ITPR3: variants seen among roughly 807,000 people sequenced by gnomAD.
The protein encoded by ITPR3 is inositol 1,4,5-trisphosphate-gated calcium channel ITPR3.
In ITPR3, 173 loss-of-function variants were observed where a neutral mutation model predicts 293.2. The observed-to-expected ratio is 0.59, with a 90% CI of 0.52 to 0.67. ITPR3 has a LOEUF of 0.67. Ranked by LOEUF, ITPR3 falls within the 30% of genes least tolerant of loss-of-function variation. ITPR3 has a pLI of 0.00. For synonymous variants in ITPR3, 1,295 were observed against 1,444.4 expected (o/e 0.90, Z 2.35); for missense variants, 2,796 against 3,592.1 (o/e 0.78, Z 5.66).
rs570679155 is a variant in ITPR3 at position 33,685,835 on chromosome 6, C to T, written c.5667+8C>T. The stretch of plus-strand genomic sequence containing the variant: ...CACAACCGGGACCTGCAGGTGAGTG[C>T]CTCGCCACACACCTGCCCCTTCCCC... On this transcript the variant is annotated splice_region_variant and intron_variant, in intron 41 of 57. Coordinates refer to ENST00000605930, the MANE Select transcript of ITPR3 (RefSeq NM_002224.4). The T allele has an allele frequency of 9.0e-6, 14 of 1,557,848 alleles. No individual in the cohort carries two copies. The East Asian group carries it at 2.9e-4, about 33-fold the overall frequency.
At chr6:33,641,935 T>A (rs1435678774) in intron 2 of ITPR3, among the ~76,000 whole-genome samples, 6 of 152,236 alleles carry the variant, frequency 3.9e-5, no homozygotes, top group Non-Finnish European at 8.8e-5. Flanking sequence ...GAATCTGCTG[T>A]GCTCAGTGTA....
In ITPR3 at chr6:33,675,687, G is replaced by T. The variant is rs763949801; in HGVS notation, c.3117-4G>T. 1 of 1,593,752 alleles carries T rather than the reference G, an allele frequency of 6.3e-7. No individual in the cohort carries two copies. Among genetic ancestry groups the T allele is most frequent in the East Asian group, 2.3e-5 (1 of 44,432 alleles). On this transcript the variant is annotated splice_region_variant and splice_polypyrimidine_tract_variant and intron_variant, in intron 24 of 57. Transcript: ENST00000605930. The surrounding 1 kb of genome is among the most constrained non-coding windows in gnomAD (Gnocchi z 5.0). ...CCATGCGCCCTGCACCCTTGTGCCC[G>T]CAGGAAGACAAGCAGCATGCTGGAG...
chr6:33,627,996 G>A (rs1369375270), intron 1 of ITPR3, among the ~76,000 whole-genome samples: 1 of 152,250 alleles, frequency 6.6e-6, no homozygotes, highest in Admixed American at 6.5e-5. Context: ...GAATCCTGCT[G>A]GAGCCACTTG....
At position 33,685,508 on chromosome 6, in the gene ITPR3, C is replaced by T. The variant is rs770259653; in HGVS notation, c.5457C>T (p.Arg1819=). The T allele has an allele frequency of 1.6e-5, 25 of 1,610,512 alleles. No individual in the cohort carries two copies. Among genetic ancestry groups the T allele is most frequent in the South Asian group, 3.3e-5 (3 of 90,898 alleles). The change falls in exon 40 of 58, where the codon CGC becomes CGT. Residue 1819 remains arginine, a synonymous_variant. Transcript: ENST00000605930. The part of the protein sequence containing the change: ...NDLGSQPHED[R]EPVDPTTKGR... ...TGGGCAGCCAGCCACATGAGGACCG[C>T]GAGCCAGTCGACCCCACCACCAAAG...
Position 33,669,083 on chromosome 6 carries a change from A to G in ITPR3, c.2116A>G (p.Lys706Glu), listed in dbSNP as rs779651299. ...WTDKNNEHHE[K>E]SVRQLAQEAR... ...TGACAAGAATAACGAGCATCATGAG[A>G]AGAGTGTGAGGCAGCTGGCCCAGGA... is the stretch of plus-strand genomic sequence containing the variant. The change falls in exon 18 of 58, where the codon AAG (lysine) becomes GAG (glutamate). Residue 706 changes from lysine (K) to glutamate (E), a missense_variant. Lys to Glu is a moderately conservative substitution (Grantham distance 56). Around this residue, in one of 8 missense-constraint regions of ITPR3, gnomAD observed 955 missense variants for 1,180.8 expected, o/e 0.81. Transcript: ENST00000605930. The G allele has an allele frequency of 2.4e-5, 38 of 1,614,178 alleles. No homozygotes were observed. The highest frequency in any genetic ancestry group is 3.2e-5 in the Non-Finnish European group (38 of 1,180,018).
chr6:33,687,160 GGAT>G lies in ITPR3; in HGVS notation c.6075+59_6075+61del. ...AACCAGGTGGAGTGTGTTGGGATGG[GGAT>G]GAGGGCCCGGCTGGCCCTACCGCCC... On this transcript the variant is annotated intron_variant, in intron 44 of 57. Coordinates refer to ENST00000605930, the MANE Select transcript of ITPR3 (RefSeq NM_002224.4). This position sits in a 1 kb window ranked among gnomAD's most constrained non-coding sequence, Gnocchi z 5.3. 1 of 1,599,966 alleles carries G rather than the reference GGAT, an allele frequency of 6.3e-7. No individual in the cohort carries two copies. The highest frequency in any genetic ancestry group is 2.2e-5 in the East Asian group (1 of 44,792).
rs1258177724 is a variant in ITPR3, at chr6:33,686,492, C to T, written c.5952C>T (p.Tyr1984=). 1.2e-6 allele frequency: 2 copies of T among 1,614,176 alleles called. No individual in the cohort carries two copies. The highest frequency in any genetic ancestry group is 4.5e-5 in the East Asian group (2 of 44,890). ...ATGACATCAGCCCCCTGTGCAAGTA[C>T]CGCATGGATCTGGTGCTGCAGCTCA... ...ILNDISPLCK[Y]RMDLVLQLKD... is the part of the protein sequence containing the mutation. Residue 1984 remains tyrosine, a synonymous_variant, in exon 43 of 58, where the codon TAC becomes TAT. Transcript: ENST00000605930.
chr6:33,663,740 G>T lies in ITPR3; in HGVS notation c.1008G>T (p.Gly336=), dbSNP rs748325737. 1.9e-5 allele frequency: 31 copies of T among 1,613,690 alleles called. No individual in the cohort carries two copies. Among genetic ancestry groups the T allele is most frequent in the Non-Finnish European group, 2.5e-5 (30 of 1,179,976 alleles). ...CCTGATTTGGGGTCCTCATCCAGGG[G>T]GCACAGGGCCGCACAGGCCGCAGGA... is the stretch of plus-strand genomic sequence containing the variant. The part of the protein sequence containing the change: ...DASDPKAAGM[G]AQGRTGRRNA... The change falls in exon 11 of 58, where the codon GGG becomes GGT. Residue 336 remains glycine (G), a splice_region_variant and synonymous_variant. Coordinates refer to ENST00000605930, the MANE Select transcript of ITPR3 (RefSeq NM_002224.4).
chr6:33,691,170 C>G lies in ITPR3; in HGVS notation c.7225+61C>G. 3 of 1,548,550 alleles carry G rather than the reference C, an allele frequency of 1.9e-6. No individual in the cohort carries two copies. The highest frequency in any genetic ancestry group is 2.7e-6 in the Non-Finnish European group (3 of 1,125,618). Reference sequence around the variant, plus strand: ...GAATGAGGTTGGGTCTCACAAATGTCTGGCGTCAGGACCAGGACCTGCAGC... The same window carrying G: ...GAATGAGGTTGGGTCTCACAAATGTGTGGCGTCAGGACCAGGACCTGCAGC... On this transcript the variant is annotated intron_variant, in intron 52 of 57. Transcript: ENST00000605930. This position sits in a 1 kb window ranked among gnomAD's most constrained non-coding sequence, Gnocchi z 4.9.
Position 33,678,795 on chromosome 6 carries a change from G to T in ITPR3, c.3928G>T (p.Glu1310Ter), listed in dbSNP as rs766286619. 6.2e-7 allele frequency: 1 copy of T among 1,613,592 alleles called. No individual in the cohort carries two copies. Among genetic ancestry groups the T allele is most frequent in the Non-Finnish European group, 8.5e-7 (1 of 1,179,876 alleles). ...CTTCCTGCACACCGTCATTAAGGCC[G>T]AGGGCAAGTACGTCAAGAAGTGCCA... Reference protein sequence around the residue: ...LDFLHTVIKAEGKYVKKCQDM... With the variant: ...LDFLHTVIKA The change falls in exon 30 of 58, where the codon GAG becomes TAG. Residue 1310 changes from glutamate to a stop codon, truncating the protein, a stop_gained. Coordinates refer to ENST00000605930, the MANE Select transcript of ITPR3 (RefSeq NM_002224.4). LOFTEE classifies it high-confidence loss of function.
chr6:33,684,733 C>T lies in ITPR3; in HGVS notation c.5138-41C>T. 1.2e-6 allele frequency: 2 copies of T among 1,610,828 alleles called. No homozygotes were observed. The highest frequency in any genetic ancestry group is 1.7e-6 in the Non-Finnish European group (2 of 1,177,898). On this transcript the variant is annotated intron_variant, in intron 38 of 57. Transcript: ENST00000605930. This position sits in a 1 kb window ranked among gnomAD's most constrained non-coding sequence, Gnocchi z 4.2. The stretch of plus-strand genomic sequence containing the variant: ...GCCCCCGGGCCCTCCCTTCCACTCT[C>T]CTGTCACACCAGCTCTCCCTCAACC...
chr6:33,632,452 T>A lies in ITPR3; in HGVS notation c.90-8032T>A, dbSNP rs2151281292. Among the ~76,000 whole-genome samples the A allele has an allele frequency of 6.6e-6, 1 of 152,292 alleles. No homozygotes were observed. The highest frequency in any genetic ancestry group is 2.1e-4 in the South Asian group (1 of 4,824). ...CTGACCCACCCTGCTACCTTTCCCA[T>A]GGCGCCCACCTGGATCTCAAAGTCC... On this transcript the variant is annotated intron_variant, in intron 1 of 57. Coordinates refer to ENST00000605930, the MANE Select transcript of ITPR3 (RefSeq NM_002224.4). This position sits in a 1 kb window ranked among gnomAD's most constrained non-coding sequence, Gnocchi z 4.1.
At chr6:33,678,183 C>T (rs994288590) in intron 28 of ITPR3, among the ~76,000 whole-genome samples, 4 of 152,206 alleles carry the variant, frequency 2.6e-5, no homozygotes, top group Non-Finnish European at 5.9e-5. Context: ...TCCCAGGCCT[C>T]ACCTTGACGC....
Position 33,682,420 on chromosome 6 carries a change from G to A in ITPR3, c.4477-104G>A, listed in dbSNP as rs9469558. The A allele has an allele frequency of 1.2e-5, 16 of 1,344,834 alleles. No individual in the cohort carries two copies. The highest frequency in any genetic ancestry group is 8.3e-5 in the East Asian group (3 of 36,294). The allele number at this position is 1,344,834 out of a possible 1,614,324, so 83.3% of individuals were successfully genotyped here. ...GCACATGGTGGCTAGTGAAGGCTCC[G>A]TCTCTCCACCCATGCCCATTCTGAT... is the stretch of plus-strand genomic sequence containing the variant. On this transcript the variant is annotated intron_variant, in intron 33 of 57. Transcript: ENST00000605930. This position sits in a 1 kb window ranked among gnomAD's most constrained non-coding sequence, Gnocchi z 5.4.
chr6:33,671,092 G>GCCTGCCCTCCACGAAGCCCCGC, intron 20 of ITPR3, 73 bp from the exon 21 acceptor site: 1 of 1,591,040 alleles, frequency 6.3e-7, no homozygotes, highest in Non-Finnish European at 8.6e-7. Flanking sequence ...CCCAGTCCTG[G>GCCTGCCCTCCACGAAGCCCCGC]CCTGCCCTCC....
intron 1 of ITPR3, among the ~76,000 whole-genome samples, chr6:33,623,803 C>A (rs1374707171): frequency 6.6e-6 from 1 of 152,156 alleles, no homozygotes; most frequent in African/African-American, 2.4e-5. Flanking sequence ...TCCTGGTGAC[C>A]TCTAGAAAGC....
At chr6:33,639,664 T>C (rs1763903756) in intron 1 of ITPR3, among the ~76,000 whole-genome samples, 1 of 151,862 alleles carries the variant, frequency 6.6e-6, no homozygotes, top group Non-Finnish European at 1.5e-5. Flanking sequence ...TGACAAATTT[T>C]AAATGCAGGA....
At position 33,682,499 on chromosome 6, in the gene ITPR3, C is replaced by G. The variant is rs768221265; in HGVS notation, c.4477-25C>G. 1 of 1,496,796 alleles carries G rather than the reference C, an allele frequency of 6.7e-7. No homozygotes were observed. The allele number at this position is 1,496,796 out of a possible 1,614,324, so 92.7% of individuals were successfully genotyped here. ...CCCAGGGTGGGGGCCTGGGCTGCAG[C>G]AGCGGGCTCTGTGACTTCTTGCAGA... On this transcript the variant is annotated intron_variant, in intron 33 of 57. Transcript: ENST00000605930. This position sits in a 1 kb window ranked among gnomAD's most constrained non-coding sequence, Gnocchi z 5.4.
Position 33,684,239 on chromosome 6 carries a change from A to C in ITPR3, c.4937+71A>C. 6.3e-7 allele frequency: 1 copy of C among 1,599,202 alleles called. No individual in the cohort carries two copies. The highest frequency in any genetic ancestry group is 8.5e-7 in the Non-Finnish European group (1 of 1,172,006). ...GGGGACAGAGAAGGGCCCGGTGGGG[A>C]CTAGACAGGCTCACTGGGTCAGAGG... On this transcript the variant is annotated intron_variant, in intron 36 of 57. Coordinates refer to ENST00000605930, the MANE Select transcript of ITPR3 (RefSeq NM_002224.4). This position sits in a 1 kb window ranked among gnomAD's most constrained non-coding sequence, Gnocchi z 4.2.
Sources: gnomAD v4.1 joint callset for allele counts (sites outside exome capture counted in the v4.1 genomes callset) on GRCh38, gnomAD v4.1.1 for gene constraint, gnomAD v4.1.1 regional missense constraint, Gnocchi (gnomAD v3.1) non-coding constraint, MANE v1.5 for transcripts, NCBI Gene and HGNC (gene_info 2026-07-23, HGNC 2026-07-21) for gene names.